Variants in CPQ observed in about 807,000 individuals in gnomAD.
The protein encoded by CPQ is Ser-Met dipeptidase.
Under a neutral mutation model 45.7 loss-of-function variants are expected in CPQ, and 37 were observed. The observed-to-expected ratio is 0.81, with a 90% CI of 0.62 to 1.07. CPQ has a LOEUF of 1.07. Among genes scored for constraint, CPQ ranks in the 50% least tolerant of loss-of-function variants. The pLI, the probability that CPQ is intolerant of heterozygous loss-of-function variation, is 0.00. For synonymous variants in CPQ, 186 were observed against 205.8 expected, an observed-to-expected ratio of 0.90 and a Z score of 0.82; for missense variants, 537 against 572.9, an observed-to-expected ratio of 0.94 and a Z score of 0.64.
intron 1 of CPQ, among the ~76,000 whole-genome samples, chr8:96,750,612 AC>A (rs1420218201): frequency 5.3e-5 from 7 of 132,934 alleles, no homozygotes; most frequent in African/African-American, 2.0e-4. Context: ...CCTGGTTTTC[AC>A]TTTTTTTTTT....
intron 3 of CPQ, among the ~76,000 whole-genome samples, chr8:96,840,837 TATTTAGTTCAGCCCAAA>T (rs1229725909): frequency 6.6e-6 from 1 of 152,186 alleles, no homozygotes; most frequent in Non-Finnish European, 1.5e-5. Flanking sequence ...GATGAATCTG[TATTTAGTTCAGCCCAAA>T]ATTTAAAAAT....
intron 4 of CPQ, among the ~76,000 whole-genome samples, chr8:96,947,311 T>G (rs1023482075): frequency 5.3e-5 from 8 of 152,204 alleles, no homozygotes; most frequent in African/African-American, 1.9e-4. Flanking sequence ...TGGAGTAGGC[T>G]ATATCATCTA....
intron 1 of CPQ, among the ~76,000 whole-genome samples, chr8:96,738,161 G>A (rs1472040685): frequency 9.2e-5 from 14 of 152,000 alleles, no homozygotes; most frequent in Non-Finnish European, 1.2e-4. Context: ...TTTATAAACC[G>A]TGTGTGCTTG....
intron 4 of CPQ, among the ~76,000 whole-genome samples, chr8:96,936,438 T>C (rs1034117449): frequency 2.0e-5 from 3 of 152,332 alleles, no homozygotes; most frequent in African/African-American, 7.2e-5. Context: ...ATGCTTTAAA[T>C]ACCACAGAAT....
intron 1 of CPQ, among the ~76,000 whole-genome samples, chr8:96,671,330 GTA>G (rs1485036219): frequency 6.6e-6 from 1 of 152,212 alleles, no homozygotes; most frequent in Non-Finnish European, 1.5e-5. Context: ...GTGTGTGTGT[GTA>G]AAGCATATGC....
intron 1 of CPQ, among the ~76,000 whole-genome samples, chr8:96,690,324 G>A (rs905580673): frequency 6.6e-6 from 1 of 152,134 alleles, no homozygotes. Context: ...AGGTTTGTGT[G>A]AGAGGGGCAC....
At chr8:96,664,463 G>A (rs1218920174) in intron 1 of CPQ, among the ~76,000 whole-genome samples, 1 of 152,178 alleles carries the variant, frequency 6.6e-6, no homozygotes, top group African/African-American at 2.4e-5. Context: ...GAATGGAAAA[G>A]TTTCATAGCA....
intron 1 of CPQ, among the ~76,000 whole-genome samples, chr8:96,651,785 T>G (rs1446194749): frequency 1.3e-5 from 2 of 152,142 alleles, no homozygotes; most frequent in East Asian, 3.8e-4. Context: ...GGTATATGTA[T>G]GTATATATGT....
At position 97,029,276 on chromosome 8, in the gene CPQ, A is replaced by C; in HGVS notation, c.962-127A>C. On this transcript the variant is annotated intron_variant, in intron 5 of 7. Transcript: ENST00000220763. The stretch of plus-strand genomic sequence containing the variant: ...TGGCCATACCCTGAAGGAGACAACC[A>C]CACCAGTGAGAGTTGAATGCCTCTG... 8.1e-6 allele frequency: 7 copies of C among 860,132 alleles called. 1 individual carries two copies. 53.3% of individuals were successfully genotyped at this position (860,132 alleles called of 1,614,324 possible). A position where few individuals can be genotyped will look rare whatever the true frequency, so the allele number is the denominator to read the frequency against.
intron 7 of CPQ, among the ~76,000 whole-genome samples, chr8:97,097,525 C>T (rs1811229007): frequency 6.6e-6 from 1 of 152,164 alleles, no homozygotes; most frequent in Admixed American, 6.5e-5. Flanking sequence ...GCTTAAAGGT[C>T]CCTATAACCA....
chr8:96,763,796 T>G (rs1364943734), intron 1 of CPQ, among the ~76,000 whole-genome samples: 1 of 152,140 alleles, frequency 6.6e-6, no homozygotes, highest in African/African-American at 2.4e-5. Context: ...TACTCAACAT[T>G]ATTAGTCATT....
chr8:97,083,561 T>C (rs1040765535), intron 7 of CPQ, among the ~76,000 whole-genome samples: 1 of 152,048 alleles, frequency 6.6e-6, no homozygotes, highest in Non-Finnish European at 1.5e-5. Flanking sequence ...AGAAGAAAAA[T>C]GTCAAATATT....
At chr8:96,661,493 C>G (rs529207804) in intron 1 of CPQ, among the ~76,000 whole-genome samples, 2 of 152,100 alleles carry the variant, frequency 1.3e-5, no homozygotes, top group Non-Finnish European at 2.9e-5. Context: ...TCTCTGTGTT[C>G]GTAGTTTTGC....
chr8:97,107,655 TCTC>T (rs1361654460), intron 7 of CPQ, among the ~76,000 whole-genome samples: 1 of 151,512 alleles, frequency 6.6e-6, no homozygotes, highest in Non-Finnish European at 1.5e-5. Context: ...ACTAAGCACT[TCTC>T]CTTGGCCTAG....
intron 5 of CPQ, among the ~76,000 whole-genome samples, chr8:96,966,625 C>T (rs909765615): frequency 2.0e-5 from 3 of 152,152 alleles, no homozygotes; most frequent in African/African-American, 7.2e-5. Context: ...GTTATGATAA[C>T]AAAAATGTCT....
intron 4 of CPQ, among the ~76,000 whole-genome samples, chr8:96,957,876 C>T (rs961546748): frequency 2.7e-5 from 4 of 150,090 alleles, no homozygotes; most frequent in African/African-American, 4.9e-5. Flanking sequence ...CTCTGTGGTA[C>T]ATACTGGAGT....
chr8:96,700,727 C>T (rs1381583055), intron 1 of CPQ, among the ~76,000 whole-genome samples: 1 of 152,072 alleles, frequency 6.6e-6, no homozygotes, highest in Non-Finnish European at 1.5e-5. Flanking sequence ...TGCTCTAATG[C>T]GTGGGTGGAC....
intron 1 of CPQ, among the ~76,000 whole-genome samples, chr8:96,756,412 C>A (rs1028091129): frequency 1.3e-5 from 2 of 152,002 alleles, no homozygotes; most frequent in Admixed American, 6.6e-5. Context: ...GCATTCTGTT[C>A]TCTAATTCTA....
intron 5 of CPQ, among the ~76,000 whole-genome samples, chr8:97,006,723 C>T (rs1261787132): frequency 2.0e-5 from 3 of 152,136 alleles, no homozygotes; most frequent in Non-Finnish European, 2.9e-5. Context: ...ATATGTTATG[C>T]TGACAACCCT....
Sources: gnomAD v4.1 joint callset for allele counts (sites outside exome capture counted in the v4.1 genomes callset) on GRCh38, gnomAD v4.1.1 for gene constraint, MANE v1.5 for transcripts, NCBI Gene and HGNC (gene_info 2026-07-23, HGNC 2026-07-21) for gene names.